ARHGAP15: variants seen among roughly 807,000 people sequenced by gnomAD.
ARHGAP15 encodes the protein rho GTPase-activating protein 15.
ARHGAP15 carries 51 observed loss-of-function variants against 63.7 expected under a neutral mutation model. The ratio of observed to expected loss-of-function variants is 0.80; its 90% CI spans 0.64 to 1.01. The LOEUF is 1.01. Among genes scored for constraint, ARHGAP15 ranks in the 50% least tolerant of loss-of-function variants. The pLI is 0.00. For missense variants in ARHGAP15, 560 were observed against 564.6 expected, an observed-to-expected ratio of 0.99 and a Z score of 0.08; for synonymous variants, 191 against 193.8, an observed-to-expected ratio of 0.99 and a Z score of 0.12.
chr2:143,722,988 T>A (rs558250623), intron 13 of ARHGAP15, among the ~76,000 whole-genome samples: 2 of 152,344 alleles, frequency 1.3e-5, no homozygotes, highest in African/African-American at 2.4e-5. Flanking sequence ...TAATGACACA[T>A]CCATCAATAA....
At chr2:143,731,465 T>A (rs1246062954) in intron 13 of ARHGAP15, among the ~76,000 whole-genome samples, 1 of 152,202 alleles carries the variant, frequency 6.6e-6, no homozygotes, top group Non-Finnish European at 1.5e-5. Flanking sequence ...ATTCCAGTCA[T>A]GCCTCATACA....
rs1437186760 is a variant in ARHGAP15 at position 143,169,708 on chromosome 2, GCCC to G, written c.165+14054_165+14056del. Among the ~76,000 whole-genome samples the G allele has an allele frequency of 5.8e-5, 5 of 86,436 alleles. 1 individual carries two copies. The highest frequency in any genetic ancestry group is 4.4e-4 in the Admixed American group (4 of 9,126). 56.7% of individuals were successfully genotyped at this position (86,436 alleles called of 152,430 possible). A position where few individuals can be genotyped will look rare whatever the true frequency, so the allele number is the denominator to read the frequency against. ...GGGTAGATATGGAAAGCATTTGTGG[GCCC>G]TCCAGGTTCAATCAGAACTGTCAGT... is the stretch of plus-strand genomic sequence containing the variant. On this transcript the variant is annotated intron_variant, in intron 2 of 13. Transcript: ENST00000295095.
At chr2:143,635,232 T>C (rs1680252974) in intron 12 of ARHGAP15, among the ~76,000 whole-genome samples, 1 of 147,210 alleles carries the variant, frequency 6.8e-6, no homozygotes, top group Non-Finnish European at 1.5e-5. Flanking sequence ...TTCAAATTTT[T>C]TGTAAAGACA....
At chr2:143,434,830 T>C (rs947886520) in intron 6 of ARHGAP15, among the ~76,000 whole-genome samples, 5 of 152,124 alleles carry the variant, frequency 3.3e-5, no homozygotes, top group African/African-American at 1.2e-4. Flanking sequence ...AGAGTATTGC[T>C]CTGTTTCTGT....
intron 3 of ARHGAP15, among the ~76,000 whole-genome samples, chr2:143,212,836 A>G (rs1447945344): frequency 1.3e-5 from 2 of 152,198 alleles, no homozygotes; most frequent in Non-Finnish European, 2.9e-5. Flanking sequence ...TGTCTGAAAC[A>G]TGGTGACGTA....
In ARHGAP15 at chr2:143,463,264, G is replaced by A. The variant is rs894762862; in HGVS notation, c.704-24109G>A. Reference sequence around the variant, plus strand: ...CCATAATATATATATATTATAGGCCGGGTGCGGTGGCTCACGCCTGTAATC... The same window carrying A: ...CCATAATATATATATATTATAGGCCAGGTGCGGTGGCTCACGCCTGTAATC... On this transcript the variant is annotated intron_variant, in intron 8 of 13. Transcript: ENST00000295095. Among the ~76,000 whole-genome samples, 7 of 151,922 alleles carry A rather than the reference G, an allele frequency of 4.6e-5. No individual in the cohort carries two copies. In the East Asian group the frequency reaches 5.8e-4, roughly 13 times the overall value.
intron 8 of ARHGAP15, among the ~76,000 whole-genome samples, chr2:143,480,567 C>T (rs1255277119): frequency 2.0e-5 from 3 of 152,178 alleles, no homozygotes; most frequent in Non-Finnish European, 4.4e-5. Context: ...TCAATTATTT[C>T]CAGATTTAAT....
intron 8 of ARHGAP15, among the ~76,000 whole-genome samples, chr2:143,462,024 G>GCAGCTACTCGGAGTAGTTC (rs1284655183): frequency 3.3e-5 from 5 of 152,074 alleles, no homozygotes; most frequent in Non-Finnish European, 5.9e-5. Flanking sequence ...ATGGTGGTGC[G>GCAGCTACTCGGAGTAGTTC]CAGCTACTCG....
At chr2:143,529,270 C>A (rs1199088401) in intron 10 of ARHGAP15, among the ~76,000 whole-genome samples, 1 of 152,126 alleles carries the variant, frequency 6.6e-6, no homozygotes. Flanking sequence ...TCATTACAGA[C>A]AGAATCATTC....
intron 9 of ARHGAP15, among the ~76,000 whole-genome samples, chr2:143,510,441 G>C (rs532260093): frequency 6.6e-6 from 1 of 152,256 alleles, no homozygotes; most frequent in South Asian, 2.1e-4. Context: ...GCTGATGCTG[G>C]TGGTGGCCAT....
At chr2:143,636,940 C>T (rs988758519) in intron 12 of ARHGAP15, among the ~76,000 whole-genome samples, 22 of 152,140 alleles carry the variant, frequency 1.4e-4, no homozygotes, top group African/African-American at 5.3e-4. Flanking sequence ...GGTGAGGGCC[C>T]TTACCCTGGC....
chr2:143,727,650 C>T (rs926666517), intron 13 of ARHGAP15, among the ~76,000 whole-genome samples: 9 of 152,132 alleles, frequency 5.9e-5, no homozygotes, highest in Non-Finnish European at 5.9e-5. Flanking sequence ...TCAGACAGAT[C>T]GAATGAACGG....
intron 11 of ARHGAP15, among the ~76,000 whole-genome samples, chr2:143,599,553 AAATT>A (rs1446055393): frequency 1.3e-5 from 2 of 152,158 alleles, no homozygotes; most frequent in Non-Finnish European, 2.9e-5. Context: ...ACAGAAAAAA[AAATT>A]AATGGTAACT....
intron 12 of ARHGAP15, among the ~76,000 whole-genome samples, chr2:143,650,434 T>C (rs1038918270): frequency 6.6e-6 from 1 of 151,944 alleles, no homozygotes; most frequent in African/African-American, 2.4e-5. Flanking sequence ...AACTAACCTG[T>C]AATCATCTTT....
At chr2:143,412,260 A>G (rs1688479205) in intron 6 of ARHGAP15, among the ~76,000 whole-genome samples, 2 of 151,972 alleles carry the variant, frequency 1.3e-5, no homozygotes, top group African/African-American at 4.8e-5. Flanking sequence ...TAGTAGAAAC[A>G]AGGGTGATTA....
chr2:143,517,267 G>C (rs1693864085), intron 9 of ARHGAP15, among the ~76,000 whole-genome samples: 1 of 152,088 alleles, frequency 6.6e-6, no homozygotes, highest in African/African-American at 2.4e-5. Context: ...TATTAATAGT[G>C]TTTTAGCTTT....
chr2:143,691,870 C>T (rs1683616143), intron 12 of ARHGAP15, among the ~76,000 whole-genome samples: 1 of 152,046 alleles, frequency 6.6e-6, no homozygotes, highest in Admixed American at 6.6e-5. Flanking sequence ...AGTTTGAGGT[C>T]GTTCAATAGG....
chr2:143,150,433 T>C (rs905451757), intron 1 of ARHGAP15, among the ~76,000 whole-genome samples: 1 of 151,948 alleles, frequency 6.6e-6, no homozygotes, highest in African/African-American at 2.4e-5. Context: ...ACCACGTAGT[T>C]TGAGCAGAGC....
At chr2:143,482,722 G>A (rs1353186258) in intron 8 of ARHGAP15, among the ~76,000 whole-genome samples, 1 of 152,128 alleles carries the variant, frequency 6.6e-6, no homozygotes, top group Non-Finnish European at 1.5e-5. Context: ...AGACTTTTAC[G>A]GCTGTTTACA....
Sources: allele counts gnomAD v4.1 joint callset (sites outside exome capture counted in the v4.1 genomes callset), GRCh38; gene constraint gnomAD v4.1.1; transcripts MANE v1.5; gene names NCBI Gene and HGNC (gene_info 2026-07-23, HGNC 2026-07-21).